DPP10: variants seen among roughly 807,000 people sequenced by gnomAD.
DPP10 encodes dipeptidyl peptidase like 10, also known as inactive dipeptidyl peptidase 10.
A neutral mutation model predicts 120.9 loss-of-function variants in DPP10; 33 were observed. That is an observed-to-expected ratio of 0.27 (90% CI 0.21 to 0.37). The LOEUF is 0.37. Among genes scored for constraint, DPP10 ranks in the 10% least tolerant of loss-of-function variants. DPP10 has a pLI of 1.00. For synonymous variants in DPP10, 337 were observed against 326.1 expected, an observed-to-expected ratio of 1.03 and a Z score of -0.36; for missense variants, 816 against 942.8, an observed-to-expected ratio of 0.87 and a Z score of 1.76.
intron 5 of DPP10, among the ~76,000 whole-genome samples, chr2:115,561,353 C>A (rs2080654679): frequency 3.8e-5 from 2 of 53,306 alleles, no homozygotes; most frequent in Admixed American, 3.2e-4. Flanking sequence ...AGCAAGACTC[C>A]ATCACAAAAA....
intron 1 of DPP10, among the ~76,000 whole-genome samples, chr2:115,149,696 T>C (rs1023976167): frequency 8.6e-5 from 13 of 150,974 alleles, no homozygotes; most frequent in African/African-American, 2.2e-4. Context: ...GTTTGTCTGT[T>C]TGTTTGTTTG....
At chr2:115,418,341 G>A (rs913535990) in intron 3 of DPP10, among the ~76,000 whole-genome samples, 1 of 152,182 alleles carries the variant, frequency 6.6e-6, no homozygotes, top group Non-Finnish European at 1.5e-5. Context: ...CTTCAGATAA[G>A]TAGAACCAAT....
intron 5 of DPP10, among the ~76,000 whole-genome samples, chr2:115,609,155 T>C (rs2083910304): frequency 2.0e-5 from 3 of 152,176 alleles, no homozygotes; most frequent in Non-Finnish European, 4.4e-5. Flanking sequence ...GAAAGGGTCT[T>C]CATAATGGCA....
intron 1 of DPP10, among the ~76,000 whole-genome samples, chr2:114,556,678 G>A (rs1487869774): frequency 6.6e-6 from 1 of 152,134 alleles, no homozygotes; most frequent in Non-Finnish European, 1.5e-5. Context: ...TAAAGAAAGT[G>A]TATACATAGA....
At chr2:114,559,592 C>G (rs1688590747) in intron 1 of DPP10, among the ~76,000 whole-genome samples, 1 of 152,092 alleles carries the variant, frequency 6.6e-6, no homozygotes, top group African/African-American at 2.4e-5. Flanking sequence ...ACATTGAACC[C>G]TACCCACTCT....
At chr2:115,061,413 A>G (rs1171974053) in intron 1 of DPP10, among the ~76,000 whole-genome samples, 1 of 152,222 alleles carries the variant, frequency 6.6e-6, no homozygotes, top group Non-Finnish European at 1.5e-5. Context: ...AGGGCTATCA[A>G]TTTATGAAGG....
chr2:115,740,058 CT>C (rs1677065151), intron 9 of DPP10, among the ~76,000 whole-genome samples, 165 bp downstream of exon 9: 1 of 152,064 alleles, frequency 6.6e-6, no homozygotes, highest in Admixed American at 6.6e-5. Flanking sequence ...ATACACAGTG[CT>C]TGGGTAGAGA....
intron 1 of DPP10, among the ~76,000 whole-genome samples, chr2:114,933,846 A>C (rs1352877342): frequency 6.6e-6 from 1 of 152,134 alleles, no homozygotes; most frequent in African/African-American, 2.4e-5. Context: ...TTTTCACCGC[A>C]ATAATTCTCA....
At chr2:114,852,094 C>G (rs1688985554) in intron 1 of DPP10, among the ~76,000 whole-genome samples, 1 of 150,604 alleles carries the variant, frequency 6.6e-6, no homozygotes, top group South Asian at 2.1e-4. Flanking sequence ...TCCACTTATG[C>G]CATCCCACAT....
intron 1 of DPP10, among the ~76,000 whole-genome samples, chr2:114,752,134 C>T (rs1679288494): frequency 6.6e-6 from 1 of 151,450 alleles, no homozygotes; most frequent in Non-Finnish European, 1.5e-5. Context: ...TCAGGGTCTA[C>T]ACACTGAGAA....
At chr2:114,454,887 G>A (rs1373057199) in intron 1 of DPP10, among the ~76,000 whole-genome samples, 1 of 152,090 alleles carries the variant, frequency 6.6e-6, no homozygotes, top group Non-Finnish European at 1.5e-5. Context: ...TGGAAGCCAA[G>A]GCAGCCTCTC....
intron 1 of DPP10, among the ~76,000 whole-genome samples, chr2:114,984,791 A>G (rs1478079807): frequency 6.6e-6 from 1 of 152,142 alleles, no homozygotes; most frequent in East Asian, 1.9e-4. Flanking sequence ...GTTCATTTCC[A>G]AAACAAAGTG....
In DPP10 at chr2:115,700,792, A is replaced by G. The variant is rs544553377; in HGVS notation, c.576+10871A>G. Reference sequence around the variant, plus strand: ...TCATATACATTTGTAAGTCTATACAATAACTGTGGGCAATCTGAAAGGAAA... The same window carrying G: ...TCATATACATTTGTAAGTCTATACAGTAACTGTGGGCAATCTGAAAGGAAA... On this transcript the variant is annotated intron_variant, in intron 7 of 25. Transcript: ENST00000410059. 1.0e-3 allele frequency among the ~76,000 whole-genome samples: 156 copies of G among 152,274 alleles called. 1 individual carries two copies. Among genetic ancestry groups the G allele is most frequent in the African/African-American group, 3.5e-3 (145 of 41,572 alleles).
chr2:114,743,286 T>C (rs1185972102), intron 1 of DPP10, among the ~76,000 whole-genome samples: 2 of 152,190 alleles, frequency 1.3e-5, no homozygotes, highest in Admixed American at 1.3e-4. Flanking sequence ...CAAATCCTGA[T>C]TCCCCAACTG....
At chr2:115,227,554 C>G (rs1328511016) in intron 1 of DPP10, among the ~76,000 whole-genome samples, 2 of 152,180 alleles carry the variant, frequency 1.3e-5, no homozygotes, top group Non-Finnish European at 2.9e-5. Context: ...CAAACTCCCT[C>G]TTGCCCCACT....
intron 5 of DPP10, among the ~76,000 whole-genome samples, chr2:115,569,244 A>G (rs558501221): frequency 3.9e-5 from 6 of 152,212 alleles, no homozygotes; most frequent in African/African-American, 1.2e-4. Context: ...AGCAATATAT[A>G]TGCTGCATCA....
At chr2:115,287,919 T>G (rs1247252838) in intron 1 of DPP10, among the ~76,000 whole-genome samples, 3 of 152,182 alleles carry the variant, frequency 2.0e-5, no homozygotes, top group Non-Finnish European at 4.4e-5. Context: ...CACTTATCTA[T>G]TGATAGGCAC....
intron 1 of DPP10, among the ~76,000 whole-genome samples, chr2:114,882,047 G>C (rs751380729): frequency 5.9e-5 from 9 of 151,964 alleles, no homozygotes; most frequent in Non-Finnish European, 7.4e-5. Flanking sequence ...GTTTTAAAAA[G>C]TGTATCTTTT....
chr2:114,612,211 C>T (rs1693335251), intron 1 of DPP10, among the ~76,000 whole-genome samples: 1 of 152,160 alleles, frequency 6.6e-6, no homozygotes, highest in African/African-American at 2.4e-5. Flanking sequence ...GGCTCTTCAC[C>T]TATGACTTCT....
Sources: allele counts gnomAD v4.1 joint callset (sites outside exome capture counted in the v4.1 genomes callset), GRCh38; gene constraint gnomAD v4.1.1; transcripts MANE v1.5; gene names NCBI Gene and HGNC (gene_info 2026-07-23, HGNC 2026-07-21).